AHI1: variants seen among roughly 807,000 people sequenced by gnomAD.
The protein encoded by AHI1 is Abelson helper integration site 1, also known as jouberin.
A neutral mutation model predicts 149.3 loss-of-function variants in AHI1; 123 were observed. The ratio of observed to expected loss-of-function variants is 0.82; its 90% confidence interval spans 0.71 to 0.96. The LOEUF (loss-of-function observed/expected upper bound fraction) is 0.96. AHI1 is among the 40% of genes least tolerant of loss of function. The probability of loss-of-function intolerance (pLI) is 0.00; values close to 1 mark genes in which losing one functional copy is unlikely to be tolerated. For synonymous variants in AHI1, 475 were observed against 459.8 expected (o/e 1.03, Z -0.42); for missense variants, 1,439 against 1,422.7 (o/e 1.01, Z -0.18).
rs2128058828 is a variant in AHI1, at chr6:135,448,333, G to T, written c.1583C>A (p.Ser528Ter). ...WSKCPRNHYP[S>*]TLYVTVRGLK... ...TCCTCTTACAGTTACGTACAGTGTTGATGGGTAATGATTTCTTGGACATTT... is the reference window on the plus strand; with the variant it reads ...TCCTCTTACAGTTACGTACAGTGTTTATGGGTAATGATTTCTTGGACATTT... The change falls in exon 12 of 29, where the codon TCA (serine) becomes TAA (stop). Residue 528 changes from serine (S) to a stop codon, truncating the protein, a stop_gained. Transcript: ENST00000265602. LOFTEE classifies it high-confidence loss of function. 1 of 1,611,138 alleles carries T rather than the reference G, an allele frequency of 6.2e-7. No individual in the cohort carries two copies. The highest frequency in any genetic ancestry group is 8.5e-7 in the Non-Finnish European group (1 of 1,178,144).
At position 135,429,956 on chromosome 6, in the gene AHI1, C is replaced by T. The variant is rs201235386; in HGVS notation, c.2418G>A (p.Leu806=). The T allele has an allele frequency of 6.2e-5, 99 of 1,585,636 alleles. No individual in the cohort carries two copies. In the African/African-American group the frequency reaches 1.3e-3, roughly 21 times the overall value. ...TEFKGIPISY[L]EIHPNGKRLL... The stretch of plus-strand genomic sequence containing the variant: ...AACGTTTTCCATTGGGATGAATCTC[C>T]AAATAACTTATTGGAATTCCCTTAA... The change falls in exon 18 of 29, where the codon TTG becomes TTA. Residue 806 remains leucine (L), a synonymous_variant. Transcript: ENST00000265602.
chr6:135,322,242 G>A (rs1293398028), intron 25 of AHI1, among the ~76,000 whole-genome samples: 1 of 152,250 alleles, frequency 6.6e-6, no homozygotes, highest in Non-Finnish European at 1.5e-5. Flanking sequence ...GAGGTTAGAA[G>A]TCAGTTTTCC....
At chr6:135,435,912 G>GA (rs1785331163) in intron 15 of AHI1, among the ~76,000 whole-genome samples, 1 of 152,168 alleles carries the variant, frequency 6.6e-6, no homozygotes, top group African/African-American at 2.4e-5. Context: ...GGGAAAGAAA[G>GA]AAGAGATGAA....
chr6:135,300,605 G>T (rs1783749222), intron 26 of AHI1, 47 bp from the exon 27 acceptor site: 1 of 1,566,562 alleles, frequency 6.4e-7, no homozygotes, highest in Admixed American at 1.9e-5. Flanking sequence ...AATGAGAAAA[G>T]ACAACACAGT....
intron 11 of AHI1, 30 bp from the exon 12 acceptor site, chr6:135,448,505 C>A (rs995576206): frequency 7.2e-7 from 1 of 1,393,414 alleles, no homozygotes; most frequent in Non-Finnish European, 9.5e-7. Context: ...TAAAATGTTA[C>A]CTTCATTGAA....
intron 24 of AHI1, among the ~76,000 whole-genome samples, chr6:135,335,234 AT>A (rs1438617545): frequency 6.6e-6 from 1 of 151,712 alleles, no homozygotes; most frequent in Non-Finnish European, 1.5e-5. Flanking sequence ...CTACTTTGTC[AT>A]TTTTTTTCAA....
chr6:135,406,518 T>C (rs1780819968), intron 21 of AHI1, among the ~76,000 whole-genome samples: 1 of 152,178 alleles, frequency 6.6e-6, no homozygotes, highest in Non-Finnish European at 1.5e-5. Flanking sequence ...GTTTGAGAAT[T>C]AAATACAATA....
At chr6:135,388,647 C>T (rs924282507) in intron 23 of AHI1, among the ~76,000 whole-genome samples, 1 of 152,162 alleles carries the variant, frequency 6.6e-6, no homozygotes, top group African/African-American at 2.4e-5. Context: ...GGAACAATGA[C>T]TCTCAATTTT....
intron 27 of AHI1, among the ~76,000 whole-genome samples, chr6:135,293,352 T>C (rs2128341974): frequency 7.0e-6 from 1 of 142,420 alleles, no homozygotes; most frequent in Non-Finnish European, 1.5e-5. Context: ...ACTAGTTTTA[T>C]TCAACATTGT....
chr6:135,470,682 C>G (rs1269299404), intron 5 of AHI1, among the ~76,000 whole-genome samples: 2 of 151,526 alleles, frequency 1.3e-5, no homozygotes, highest in African/African-American at 4.8e-5. Flanking sequence ...GGATAAAACG[C>G]AGGAACAGAA....
At chr6:135,427,899 A>C (rs1784123960) in intron 19 of AHI1, among the ~76,000 whole-genome samples, 2 of 151,500 alleles carry the variant, frequency 1.3e-5, no homozygotes, top group African/African-American at 4.8e-5. Flanking sequence ...ACTTGTTGCT[A>C]CTGAATTGAT....
At chr6:135,402,427 TA>T (rs1780151367) in intron 22 of AHI1, among the ~76,000 whole-genome samples, 1 of 152,218 alleles carries the variant, frequency 6.6e-6, no homozygotes, top group Admixed American at 6.5e-5. Flanking sequence ...CAAATGTTCA[TA>T]AACTGATCAA....
chr6:135,398,758 T>C (rs1237641021), intron 22 of AHI1, among the ~76,000 whole-genome samples: 1 of 152,132 alleles, frequency 6.6e-6, no homozygotes, highest in East Asian at 1.9e-4. Flanking sequence ...AACTTCTCAT[T>C]TCCAAACTTA....
rs1790716581 is a variant in AHI1 at position 135,466,143 on chromosome 6, G to A, written c.420C>T (p.Asp140=). 2.5e-6 allele frequency: 4 copies of A among 1,613,736 alleles called. No homozygotes were observed. The highest frequency in any genetic ancestry group is 1.3e-5 in the African/African-American group (1 of 74,906). Residue 140 remains aspartate (D), a synonymous_variant, in exon 7 of 29, where the codon GAC becomes GAT. Transcript: ENST00000265602. Reference sequence around the variant, plus strand: ...TATTCTCAGGAGTTTCCGGTTTCAGGTCTTGTGTAGTCAACTGGGGCACCG... The same window carrying A: ...TATTCTCAGGAGTTTCCGGTTTCAGATCTTGTGTAGTCAACTGGGGCACCG... ...IKTVPQLTTQ[D]LKPETPENKV...
At chr6:135,363,887 G>T (rs561098194) in intron 23 of AHI1, among the ~76,000 whole-genome samples, 2 of 144,690 alleles carry the variant, frequency 1.4e-5, no homozygotes, top group Non-Finnish European at 3.1e-5. Context: ...CTGGCCGGAC[G>T]GGGGGCTGAC....
intron 24 of AHI1, among the ~76,000 whole-genome samples, chr6:135,342,239 T>G (rs924006524): frequency 4.6e-5 from 7 of 151,810 alleles, no homozygotes; most frequent in African/African-American, 1.7e-4. Flanking sequence ...AACTTAAAAC[T>G]GACTGAAGAA....
At chr6:135,422,737 G>A (rs769177314) in intron 20 of AHI1, among the ~76,000 whole-genome samples, 14 of 151,402 alleles carry the variant, frequency 9.2e-5, no homozygotes, top group Non-Finnish European at 1.6e-4. Flanking sequence ...CGATCCTCCT[G>A]CCTCAGCCTC....
At chr6:135,352,200 TTCA>T (rs1286708351) in intron 24 of AHI1, among the ~76,000 whole-genome samples, 1 of 152,190 alleles carries the variant, frequency 6.6e-6, no homozygotes, top group Non-Finnish European at 1.5e-5. Flanking sequence ...CATTACTCCC[TTCA>T]TCATATTATT....
At chr6:135,441,881 C>T (rs1786354169) in intron 14 of AHI1, among the ~76,000 whole-genome samples, 1 of 151,556 alleles carries the variant, frequency 6.6e-6, no homozygotes, top group Admixed American at 6.6e-5. Flanking sequence ...ATTATGAGTC[C>T]CTGATTAAAA....
Sources: allele counts gnomAD v4.1 joint callset (sites outside exome capture counted in the v4.1 genomes callset), GRCh38; gene constraint gnomAD v4.1.1; transcripts MANE v1.5; gene names NCBI Gene and HGNC (gene_info 2026-07-23, HGNC 2026-07-21).